VMP1: variants seen among roughly 807,000 people sequenced by gnomAD.
VMP1 encodes the protein vacuole membrane protein 1.
VMP1 carries 11 observed loss-of-function variants against 56.0 expected under a neutral mutation model. The observed-to-expected ratio is 0.20, with a 90% confidence interval of 0.12 to 0.32. The LOEUF (loss-of-function observed/expected upper bound fraction) is 0.32, where lower values mean the gene tolerates loss of function less well. Ranked by LOEUF, VMP1 falls within the 10% of genes least tolerant of loss-of-function variation. The pLI is 1.00. For synonymous variants in VMP1, 149 were observed against 165.0 expected (o/e 0.90, Z 0.74); for missense variants, 296 against 490.3 (o/e 0.60, Z 3.74).
At chr17:59,739,929 C>T (rs1454250189) in intron 5 of VMP1, among the ~76,000 whole-genome samples, 1 of 150,698 alleles carries the variant, frequency 6.6e-6, no homozygotes, top group Non-Finnish European at 1.5e-5. Flanking sequence ...CAAAAAAAAT[C>T]AGCCGAGCTT....
At chr17:59,823,073 A>T (rs1453437575) in intron 10 of VMP1, among the ~76,000 whole-genome samples, 4 of 152,278 alleles carry the variant, frequency 2.6e-5, no homozygotes. Flanking sequence ...CGACAGAGTG[A>T]GACCCTGATT....
chr17:59,762,471 A>T (rs1045520272), intron 5 of VMP1, among the ~76,000 whole-genome samples: 1 of 152,182 alleles, frequency 6.6e-6, no homozygotes, highest in African/African-American at 2.4e-5. Context: ...TTAATCAAAA[A>T]TTTTTTTATT....
chr17:59,808,668 ATT>A, intron 7 of VMP1, 126 bp from the exon 8 acceptor site: 1 of 691,890 alleles, frequency 1.4e-6, no homozygotes. Context: ...ACCTACTGTA[ATT>A]TTTTTCATCA....
At chr17:59,754,938 A>T (rs1259725189) in intron 5 of VMP1, among the ~76,000 whole-genome samples, 1 of 151,640 alleles carries the variant, frequency 6.6e-6, no homozygotes, top group Non-Finnish European at 1.5e-5. Flanking sequence ...AGTTTAGCTT[A>T]AATTTGTTGT....
At chr17:59,821,867 G>C (rs1156439454) in intron 10 of VMP1, among the ~76,000 whole-genome samples, 1 of 147,914 alleles carries the variant, frequency 6.8e-6, no homozygotes, top group East Asian at 2.0e-4. Context: ...TTTTGAGATG[G>C]AGTTTTGCTT....
intron 5 of VMP1, among the ~76,000 whole-genome samples, chr17:59,764,599 C>T (rs571870712): frequency 6.6e-5 from 10 of 152,190 alleles, no homozygotes; most frequent in African/African-American, 2.2e-4. Context: ...GGTGGGAATA[C>T]AGGCATGAGC....
chr17:59,755,791 T>C (rs1354913933), intron 5 of VMP1, among the ~76,000 whole-genome samples: 1 of 149,630 alleles, frequency 6.7e-6, no homozygotes, highest in Non-Finnish European at 1.5e-5. Flanking sequence ...CAGGCTGGAG[T>C]GCAGTGGCAT....
In VMP1 at chr17:59,792,854, A is replaced by AAAAAATAATAAT. The variant is rs1410703669; in HGVS notation, c.715-15940_715-15939insAAATAATAATAA. Among the ~76,000 whole-genome samples the AAAAAATAATAAT allele has an allele frequency of 4.6e-5, 4 of 86,448 alleles. 1 individual carries two copies. Among genetic ancestry groups the AAAAAATAATAAT allele is most frequent in the East Asian group, 6.4e-4 (2 of 3,120 alleles). The allele number at this position is 86,448 out of a possible 152,430, so 56.7% of individuals were successfully genotyped here. On this transcript the variant is annotated intron_variant, in intron 7 of 11. Transcript: ENST00000262291. ...ACATGAGCAAAAACGCCATCTCAAA[A>AAAAAATAATAAT]AATAATAATAATAATAATAATAATT...
At chr17:59,728,343 TA>T in intron 1 of VMP1, among the ~76,000 whole-genome samples, 1 of 152,356 alleles carries the variant, frequency 6.6e-6, no homozygotes, top group Non-Finnish European at 1.5e-5. Context: ...AGTGTTCAGT[TA>T]GTATTTGTTC....
In VMP1 at chr17:59,841,929, TATG is replaced by T. The variant is rs1252653775; in HGVS notation, c.*2023_*2025del. On this transcript the variant is annotated 3_prime_UTR_variant, in exon 12 of 12. Transcript: ENST00000262291. The stretch of plus-strand genomic sequence containing the variant: ...GAAGGTCTAATTGATACGTTTGACT[TATG>T]ATGACCATTTATGCACTTTCAAATG... 8 of 152,216 alleles carry T rather than the reference TATG, an allele frequency of 5.3e-5. No individual in the cohort carries two copies. The highest frequency in any genetic ancestry group is 8.8e-5 in the Non-Finnish European group (6 of 68,042). The allele number at this position is 152,216 out of a possible 1,614,324, so 9.4% of individuals were successfully genotyped here. A position where few individuals can be genotyped will look rare whatever the true frequency, so the allele number is the denominator to read the frequency against.
intron 6 of VMP1, among the ~76,000 whole-genome samples, chr17:59,771,019 T>G (rs1302767894): frequency 1.3e-5 from 2 of 151,898 alleles, no homozygotes; most frequent in East Asian, 3.9e-4. Context: ...AGGAATACAC[T>G]CCATAGCCTT....
intron 7 of VMP1, among the ~76,000 whole-genome samples, chr17:59,790,431 CAGTA>C (rs2037184544): frequency 6.6e-6 from 1 of 152,146 alleles, no homozygotes; most frequent in East Asian, 1.9e-4. Flanking sequence ...AGTAAAGACT[CAGTA>C]AGTTTATAGC....
intron 8 of VMP1, among the ~76,000 whole-genome samples, chr17:59,809,828 T>C (rs1368264459): frequency 1.3e-5 from 2 of 152,040 alleles, no homozygotes; most frequent in African/African-American, 4.8e-5. Flanking sequence ...TTAAATGAGC[T>C]GTTTTCTGTT....
chr17:59,737,801 G>A (rs951591887), intron 4 of VMP1, among the ~76,000 whole-genome samples: 5 of 151,196 alleles, frequency 3.3e-5, no homozygotes, highest in South Asian at 2.1e-4. Flanking sequence ...ACAGAGTCTC[G>A]CTCTGTCACC....
chr17:59,721,095 C>G (rs1048049774), intron 1 of VMP1, among the ~76,000 whole-genome samples: 1 of 152,130 alleles, frequency 6.6e-6, no homozygotes, highest in Non-Finnish European at 1.5e-5. Context: ...CCTGTAATCC[C>G]AGCACTTTGG....
At chr17:59,718,438 T>C (rs368922562) in intron 1 of VMP1, among the ~76,000 whole-genome samples, 66 of 151,928 alleles carry the variant, frequency 4.3e-4, no homozygotes, top group Non-Finnish European at 4.3e-4. Flanking sequence ...CCTCGTGATC[T>C]GCCCGCCTCG....
chr17:59,737,398 G>A, intron 3 of VMP1, 55 bp from the exon 4 acceptor site: 1 of 1,540,590 alleles, frequency 6.5e-7, no homozygotes, highest in South Asian at 1.2e-5. Context: ...TTCTGAGAAT[G>A]ATGAATGCTG....
At position 59,742,522 on chromosome 17, in the gene VMP1, C is replaced by CAATAATAATAATAAT. The variant is rs71370113; in HGVS notation, c.414+3595_414+3609dup. On this transcript the variant is annotated intron_variant, in intron 5 of 11. Transcript: ENST00000262291. ...ACAGAGCAAAACCCTGTCTCAAAAA[C>CAATAATAATAATAAT]AATAATAATAATAATAATAATAATA... Among the ~76,000 whole-genome samples, 308 of 142,938 alleles carry CAATAATAATAATAAT rather than the reference C, an allele frequency of 2.2e-3. 1 individual carries two copies. The highest frequency in any genetic ancestry group is 7.3e-3 in the Middle Eastern group (2 of 274). The allele number at this position is 142,938 out of a possible 152,430, so 93.8% of individuals were successfully genotyped here.
intron 10 of VMP1, among the ~76,000 whole-genome samples, chr17:59,819,310 A>G (rs1169347656): frequency 6.6e-6 from 1 of 152,058 alleles, no homozygotes; most frequent in Non-Finnish European, 1.5e-5. Flanking sequence ...TTATTTATTT[A>G]TTTATTCATT....
Sources: allele counts gnomAD v4.1 joint callset (sites outside exome capture counted in the v4.1 genomes callset), GRCh38; gene constraint gnomAD v4.1.1; transcripts MANE v1.5; gene names NCBI Gene and HGNC (gene_info 2026-07-23, HGNC 2026-07-21).